Variants in PLB1 observed in about 807,000 individuals in gnomAD.
PLB1 encodes the protein phospholipase B1.
In PLB1, 242 loss-of-function variants were observed where a neutral mutation model predicts 227.4. That is an observed-to-expected ratio of 1.06 (90% CI 0.96 to 1.18). PLB1 has a LOEUF of 1.18. Among genes scored for constraint, PLB1 ranks in the 50% most tolerant of loss-of-function variants. The pLI is 0.00. For missense variants in PLB1, 1,858 were observed against 1,816.3 expected (o/e 1.02, Z -0.42); for synonymous variants, 757 against 682.2 (o/e 1.11, Z -1.71).
intron 56 of PLB1, 76 bp from the exon 57 acceptor site, chr2:28,640,851 G>C: frequency 1.4e-6 from 2 of 1,443,664 alleles, no homozygotes; most frequent in South Asian, 2.4e-5. Context: ...AGGGGCTCTG[G>C]TGTGAGACAC....
At chr2:28,633,978 T>TGTCA (rs1689003689) in intron 56 of PLB1, among the ~76,000 whole-genome samples, 1 of 152,192 alleles carries the variant, frequency 6.6e-6, no homozygotes, top group Non-Finnish European at 1.5e-5. Flanking sequence ...TTCCCACCCC[T>TGTCA]GTCAGCTCAT....
chr2:28,578,517 C>A (rs540954520), intron 22 of PLB1, among the ~76,000 whole-genome samples: 2 of 152,088 alleles, frequency 1.3e-5, no homozygotes, highest in African/African-American at 4.8e-5. Flanking sequence ...CAGAAGGGAC[C>A]GGCGCCTCTG....
chr2:28,511,891 TCTC>T (rs1668314023), intron 1 of PLB1, among the ~76,000 whole-genome samples: 2 of 151,588 alleles, frequency 1.3e-5, no homozygotes, highest in Admixed American at 6.6e-5. Context: ...TTCAAGTAAT[TCTC>T]CTGCTTCAGC....
intron 20 of PLB1, 145 bp from the exon 21 acceptor site, chr2:28,573,052 T>A: frequency 3.2e-6 from 2 of 632,430 alleles, no homozygotes; most frequent in Middle Eastern, 8.5e-4. Context: ...CTGAACATTT[T>A]CTTCCCATGC....
At chr2:28,566,672 A>G in intron 19 of PLB1, 124 bp from the exon 20 acceptor site, 1 of 1,030,420 alleles carries the variant, frequency 9.7e-7, no homozygotes, top group Non-Finnish European at 1.5e-6. Context: ...AGTGATGGGG[A>G]AAGTGCAAGC....
chr2:28,577,125 A>G (rs1411111118), intron 21 of PLB1, among the ~76,000 whole-genome samples: 1 of 152,186 alleles, frequency 6.6e-6, no homozygotes, highest in Non-Finnish European at 1.5e-5. Context: ...TACCATGCTC[A>G]TTTCCCAAAG....
intron 43 of PLB1, among the ~76,000 whole-genome samples, chr2:28,613,098 A>AATTT (rs1491163804): frequency 2.0e-5 from 3 of 151,696 alleles, no homozygotes; most frequent in African/African-American, 7.3e-5. Flanking sequence ...TTATTTTTTT[A>AATTT]ATTTGTCGTA....
At position 28,642,961 on chromosome 2, in the gene PLB1, T is replaced by C. The variant is rs768091635; in HGVS notation, c.4277T>C (p.Val1426Ala). 1.2e-6 allele frequency: 2 copies of C among 1,608,604 alleles called. No homozygotes were observed. The highest frequency in any genetic ancestry group is 1.7e-6 in the Non-Finnish European group (2 of 1,178,054). Residue 1426 changes from valine to alanine, a missense_variant, in exon 58 of 58, where the codon GTC (valine) becomes GCC (alanine). Transcript: ENST00000327757. ...TGGGCTGTCCCAGTGGCAGCGGGAG[T>C]CGGCCTTGTGGTGGGCATCATCGGG... is the stretch of plus-strand genomic sequence containing the variant. Reference protein sequence around the residue: ...LYWAVPVAAGVGLVVGIIGTV... With the variant: ...LYWAVPVAAGAGLVVGIIGTV...
intron 42 of PLB1, among the ~76,000 whole-genome samples, 161 bp downstream of exon 42, chr2:28,606,109 C>G (rs2148306553): frequency 6.6e-6 from 1 of 152,250 alleles, no homozygotes; most frequent in Non-Finnish European, 1.5e-5. Flanking sequence ...AGAGTCTGCT[C>G]AGCCTGGGCT....
At position 28,636,258 on chromosome 2, in the gene PLB1, C is replaced by T. The variant is rs1233360882; in HGVS notation, c.4098+3219C>T. Among the ~76,000 whole-genome samples, 3 of 152,134 alleles carry T rather than the reference C, an allele frequency of 2.0e-5. No individual in the cohort carries two copies. In the East Asian group the frequency reaches 5.8e-4, roughly 29 times the overall value. On this transcript the variant is annotated intron_variant, in intron 56 of 57. Transcript: ENST00000327757. Reference sequence around the variant, plus strand: ...ATTTTTAGTAGAGACAAGGTTTCGCCATGTTGGCCAGGCCAGGCTGGTCTT... The same window carrying T: ...ATTTTTAGTAGAGACAAGGTTTCGCTATGTTGGCCAGGCCAGGCTGGTCTT...
chr2:28,517,625 G>A (rs868554215), intron 2 of PLB1, among the ~76,000 whole-genome samples: 1 of 152,162 alleles, frequency 6.6e-6, no homozygotes, highest in South Asian at 2.1e-4. Flanking sequence ...TTAAAAGATG[G>A]TAAGTAGGTA....
chr2:28,598,556 A>G, intron 34 of PLB1, 96 bp from the exon 35 acceptor site: 1 of 936,224 alleles, frequency 1.1e-6, no homozygotes, highest in Admixed American at 1.8e-5. Flanking sequence ...GGATGATAAC[A>G]CAGCCCACTT....
chr2:28,533,706 T>G (rs752297944), intron 9 of PLB1, among the ~76,000 whole-genome samples: 2 of 152,250 alleles, frequency 1.3e-5, no homozygotes, highest in Non-Finnish European at 2.9e-5. Context: ...AGCATATGAT[T>G]TTTTAAAATG....
At chr2:28,561,480 A>G (rs1480662640) in intron 17 of PLB1, among the ~76,000 whole-genome samples, 1 of 152,258 alleles carries the variant, frequency 6.6e-6, no homozygotes, top group African/African-American at 2.4e-5. Context: ...ACAGATATTT[A>G]TAGCAATACT....
chr2:28,563,003 A>G (rs1431991096), intron 17 of PLB1, 38 bp from the exon 18 acceptor site: 1 of 1,577,584 alleles, frequency 6.3e-7, no homozygotes, highest in Non-Finnish European at 8.7e-7. Context: ...GCTTTCCTGG[A>G]AGCCCCATTT....
intron 56 of PLB1, 160 bp downstream of exon 56, chr2:28,633,199 A>T (rs1417193321): frequency 1.7e-6 from 1 of 595,174 alleles, no homozygotes; most frequent in Non-Finnish European, 3.0e-6. Flanking sequence ...TTCCAAAGGG[A>T]AAATACCCTA....
intron 14 of PLB1, among the ~76,000 whole-genome samples, chr2:28,546,258 C>CGTTTT (rs1673247729): frequency 6.6e-6 from 1 of 152,166 alleles, no homozygotes. Flanking sequence ...GTACATCAGT[C>CGTTTT]GTTTTGAAGG....
intron 15 of PLB1, among the ~76,000 whole-genome samples, chr2:28,549,412 C>T (rs376664389): frequency 6.5e-4 from 57 of 87,256 alleles, no homozygotes; most frequent in South Asian, 1.8e-3. Flanking sequence ...GAGATTCTTT[C>T]TTTTTTTTTT....
At chr2:28,626,399 C>T (rs1687783115) in intron 50 of PLB1, 29 bp from the exon 51 acceptor site, 1 of 1,600,902 alleles carries the variant, frequency 6.2e-7, no homozygotes, top group Non-Finnish European at 8.6e-7. Flanking sequence ...CCCACCAAGG[C>T]CTAAACTCAG....
Sources: allele counts gnomAD v4.1 joint callset (sites outside exome capture counted in the v4.1 genomes callset), GRCh38; gene constraint gnomAD v4.1.1; transcripts MANE v1.5; gene names NCBI Gene and HGNC (gene_info 2026-07-23, HGNC 2026-07-21).